The following ADGRV1 variants were observed in gnomAD, a reference collection of about 807,000 sequenced individuals.
ADGRV1 encodes the protein G-protein coupled receptor 98.
Under a neutral mutation model 596.2 loss-of-function variants are expected in ADGRV1, and 359 were observed. The observed-to-expected ratio is 0.60, with a 90% confidence interval of 0.55 to 0.66. The LOEUF is 0.66. Ranked by LOEUF, ADGRV1 falls within the 30% of genes least tolerant of loss-of-function variation. ADGRV1 has a pLI of 0.00. For missense variants in ADGRV1, 7,274 were observed against 7,575.6 expected, an observed-to-expected ratio of 0.96 and a Z score of 1.48; for synonymous variants, 2,681 against 2,679.2, an observed-to-expected ratio of 1.00 and a Z score of -0.02.
intron 87 of ADGRV1, among the ~76,000 whole-genome samples, chr5:91,115,243 G>C (rs902319483): frequency 6.6e-6 from 1 of 152,102 alleles, no homozygotes; most frequent in Non-Finnish European, 1.5e-5. Context: ...TACTCAATGA[G>C]GTTAATCTGA....
intron 89 of ADGRV1, among the ~76,000 whole-genome samples, chr5:91,154,278 G>C (rs1291649985): frequency 6.6e-6 from 1 of 152,148 alleles, no homozygotes; most frequent in African/African-American, 2.4e-5. Flanking sequence ...TCCATGCCCA[G>C]TTGAAGTTAT....
chr5:90,706,518 A>C (rs1580807772), intron 38 of ADGRV1, 124 bp downstream of exon 38: 2 of 825,378 alleles, frequency 2.4e-6, no homozygotes, highest in East Asian at 5.4e-5. Flanking sequence ...TACATGTGCC[A>C]TGTTGGTGTG....
chr5:91,014,398 T>G (rs2151161784), intron 85 of ADGRV1, among the ~76,000 whole-genome samples: 1 of 152,178 alleles, frequency 6.6e-6, no homozygotes, highest in African/African-American at 2.4e-5. Context: ...ATAGCATGAG[T>G]TGGAGAGGAG....
At chr5:90,676,373 G>T (rs1329711809) in intron 25 of ADGRV1, among the ~76,000 whole-genome samples, 164 bp downstream of exon 25, 1 of 152,042 alleles carries the variant, frequency 6.6e-6, no homozygotes, top group Non-Finnish European at 1.5e-5. Flanking sequence ...AATTGCTTAA[G>T]ATACATGATA....
intron 70 of ADGRV1, 99 bp from the exon 71 acceptor site, chr5:90,802,640 T>C: frequency 9.5e-7 from 1 of 1,057,142 alleles, no homozygotes. Context: ...AACTGTTTGC[T>C]ACTAAAGCAA....
intron 84 of ADGRV1, among the ~76,000 whole-genome samples, chr5:90,970,701 C>G (rs1488990267): frequency 6.6e-6 from 1 of 152,156 alleles, no homozygotes; most frequent in Non-Finnish European, 1.5e-5. Flanking sequence ...AAAACCCCAT[C>G]TGTACGTCAC....
At chr5:90,862,970 A>G (rs1484983882) in intron 82 of ADGRV1, among the ~76,000 whole-genome samples, 1 of 152,206 alleles carries the variant, frequency 6.6e-6, no homozygotes, top group Non-Finnish European at 1.5e-5. Flanking sequence ...GATATAACTA[A>G]ACGGGTAAAA....
At chr5:91,048,448 G>A (rs1786023305) in intron 85 of ADGRV1, among the ~76,000 whole-genome samples, 1 of 152,162 alleles carries the variant, frequency 6.6e-6, no homozygotes, top group Non-Finnish European at 1.5e-5. Context: ...AGAGTAGCAA[G>A]CCAGCCTCTC....
At chr5:90,908,323 G>A (rs77700507) in intron 83 of ADGRV1, among the ~76,000 whole-genome samples, 170 of 151,804 alleles carry the variant, frequency 1.1e-3, no homozygotes, top group Non-Finnish European at 1.8e-3. Context: ...TAATCACATC[G>A]GGGTAAATGG....
chr5:91,079,901 T>C (rs1217505568), intron 86 of ADGRV1, among the ~76,000 whole-genome samples: 1 of 152,190 alleles, frequency 6.6e-6, no homozygotes, highest in African/African-American at 2.4e-5. Context: ...AGTAAAGGGC[T>C]GGCACTGCAT....
At chr5:90,780,489 A>G (rs1375312335) in intron 64 of ADGRV1, among the ~76,000 whole-genome samples, 1 of 152,152 alleles carries the variant, frequency 6.6e-6, no homozygotes, top group African/African-American at 2.4e-5. Flanking sequence ...ATTTTTTAGC[A>G]TGAGGAATTA....
chr5:90,652,044 C>T (rs566714739), intron 18 of ADGRV1, among the ~76,000 whole-genome samples: 45 of 151,844 alleles, frequency 3.0e-4, no homozygotes, highest in African/African-American at 9.4e-4. Flanking sequence ...GTGACTACCC[C>T]CACCCTGTAC....
chr5:91,051,947 A>G (rs1786372912), intron 85 of ADGRV1, among the ~76,000 whole-genome samples: 1 of 152,172 alleles, frequency 6.6e-6, no homozygotes, highest in Non-Finnish European at 1.5e-5. Context: ...AGGTGGAAGA[A>G]TATCCTGTTT....
At chr5:90,737,230 T>C (rs536001409) in intron 50 of ADGRV1, among the ~76,000 whole-genome samples, 205 of 152,110 alleles carry the variant, frequency 1.3e-3, no homozygotes, top group African/African-American at 4.5e-3. Flanking sequence ...TCTACATATT[T>C]GTGAATTTCC....
chr5:90,680,433 T>C (rs1744793114), intron 26 of ADGRV1, among the ~76,000 whole-genome samples: 1 of 152,042 alleles, frequency 6.6e-6, no homozygotes, highest in Admixed American at 6.6e-5. Flanking sequence ...TTGGCAATTA[T>C]TGAAGGTGAT....
chr5:91,087,658 T>C (rs759168929), intron 86 of ADGRV1, among the ~76,000 whole-genome samples: 16 of 152,206 alleles, frequency 1.1e-4, no homozygotes, highest in Non-Finnish European at 2.1e-4. Context: ...TGAAGAAATA[T>C]ATTTCTTGAA....
At chr5:90,931,623 A>G (rs1287359708) in intron 83 of ADGRV1, among the ~76,000 whole-genome samples, 1 of 152,228 alleles carries the variant, frequency 6.6e-6, no homozygotes, top group Non-Finnish European at 1.5e-5. Flanking sequence ...GCCAAATTTT[A>G]TATGTGATTA....
In ADGRV1 at chr5:90,998,476, A is replaced by G. The variant is rs555513103; in HGVS notation, c.18152+12954A>G. ...TGTAATACTCATTTTCTGTGTCAGT[A>G]TGTAATACCCATTACATTATAATTT... On this transcript the variant is annotated intron_variant, in intron 85 of 89. Transcript: ENST00000405460. Among the ~76,000 whole-genome samples the G allele has an allele frequency of 2.6e-4, 39 of 152,250 alleles. No individual in the cohort carries two copies. The East Asian group carries it at 4.8e-3, about 19-fold the overall frequency.
At chr5:90,620,215 C>T (rs1763884107) in intron 4 of ADGRV1, among the ~76,000 whole-genome samples, 1 of 152,060 alleles carries the variant, frequency 6.6e-6, no homozygotes, top group Non-Finnish European at 1.5e-5. Flanking sequence ...ACAGTCCCAC[C>T]AACAGTGTAA....
Sources: allele counts gnomAD v4.1 joint callset (sites outside exome capture counted in the v4.1 genomes callset), GRCh38; gene constraint gnomAD v4.1.1; transcripts MANE v1.5; gene names NCBI Gene and HGNC (gene_info 2026-07-23, HGNC 2026-07-21).